The following SYTL3 variants were observed in gnomAD, a reference collection of about 807,000 sequenced individuals.
SYTL3 encodes synaptotagmin-like protein 3.
SYTL3 carries 88 observed loss-of-function variants against 82.1 expected under a neutral mutation model. The ratio of observed to expected loss-of-function variants is 1.07; its 90% CI spans 0.90 to 1.28. The LOEUF (loss-of-function observed/expected upper bound fraction) is 1.28, where lower values mean the gene tolerates loss of function less well. Ranked by LOEUF, SYTL3 falls within the 50% of genes most tolerant of loss-of-function variation. The pLI is 0.00. For synonymous variants in SYTL3, 311 were observed against 289.4 expected (o/e 1.07, Z -0.76); for missense variants, 831 against 757.6 (o/e 1.10, Z -1.14).
chr6:158,682,453 G>A (rs373191407), intron 5 of SYTL3, among the ~76,000 whole-genome samples: 19 of 134,994 alleles, frequency 1.4e-4, no homozygotes, highest in Admixed American at 1.1e-3. Context: ...TCCACCTCCC[G>A]GGTTCACGCC....
chr6:158,761,761 T>TC (rs936368775), intron 15 of SYTL3, among the ~76,000 whole-genome samples: 33 of 152,262 alleles, frequency 2.2e-4, no homozygotes, highest in African/African-American at 7.0e-4. Context: ...GCTCTCACTT[T>TC]CCCCCAAACT....
At position 158,707,135 on chromosome 6, in the gene SYTL3, A is replaced by C. The variant is rs144424620; in HGVS notation, c.395-95A>C. The C allele has an allele frequency of 2.4e-6, 3 of 1,248,354 alleles. No homozygotes were observed. In the African/African-American group the frequency reaches 4.4e-5, roughly 19 times the overall value. The allele number at this position is 1,248,354 out of a possible 1,614,324, so 77.3% of individuals were successfully genotyped here. On this transcript the variant is annotated intron_variant, in intron 6 of 17. Coordinates refer to ENST00000611299, the MANE Select transcript of SYTL3 (RefSeq NM_001242394.2). The stretch of plus-strand genomic sequence containing the variant: ...TTACTTTTTAATCACAAGAAATGAT[A>C]CTAGAGAAAATAATTTTAATCTACT...
At chr6:158,694,754 C>T (rs760722008) in intron 6 of SYTL3, among the ~76,000 whole-genome samples, 5 of 152,110 alleles carry the variant, frequency 3.3e-5, no homozygotes, top group East Asian at 1.9e-4. Context: ...GGAGTTTCCC[C>T]GATGCTTTCT....
In SYTL3 at chr6:158,704,503, T is replaced by C. The variant is rs551754371; in HGVS notation, c.395-2727T>C. Among the ~76,000 whole-genome samples, 14 of 152,366 alleles carry C rather than the reference T, an allele frequency of 9.2e-5. No homozygotes were observed. The South Asian group carries it at 2.9e-3, about 32-fold the overall frequency. ...CTGAGATGTGGACCTGAGGCAGAAC[T>C]GCCCGTGGGGGATAGCAGGAGGAGA... On this transcript the variant is annotated intron_variant, in intron 6 of 17. Coordinates refer to ENST00000611299, the MANE Select transcript of SYTL3 (RefSeq NM_001242394.2).
chr6:158,698,161 C>T (rs1173872237), intron 6 of SYTL3, among the ~76,000 whole-genome samples: 1 of 152,076 alleles, frequency 6.6e-6, no homozygotes, highest in Admixed American at 6.6e-5. Context: ...CTTTGAAAGG[C>T]AGAGGCGGGC....
intron 3 of SYTL3, among the ~76,000 whole-genome samples, chr6:158,662,126 T>G (rs1460523517): frequency 2.0e-5 from 3 of 152,216 alleles, no homozygotes; most frequent in Admixed American, 2.0e-4. Flanking sequence ...TGCAGATTTT[T>G]TTTGAAGCCT....
intron 15 of SYTL3, 79 bp from the exon 16 acceptor site, chr6:158,761,997 C>T (rs1279146821): frequency 2.0e-6 from 2 of 1,002,044 alleles, no homozygotes; most frequent in Non-Finnish European, 3.1e-6. Context: ...TAGCTGAGCT[C>T]TCGGTTTTGG....
chr6:158,702,733 T>C (rs1430169246), intron 6 of SYTL3, among the ~76,000 whole-genome samples: 3 of 151,640 alleles, frequency 2.0e-5, no homozygotes, highest in Non-Finnish European at 4.4e-5. Context: ...CCCTAAGTTA[T>C]ATTTGTACAC....
intron 6 of SYTL3, among the ~76,000 whole-genome samples, chr6:158,699,392 T>G (rs1274786535): frequency 5.3e-5 from 8 of 152,208 alleles, no homozygotes; most frequent in Non-Finnish European, 8.8e-5. Context: ...GAGATGGTCA[T>G]CCATGTATAG....
At chr6:158,729,973 A>G (rs1216573598) in intron 11 of SYTL3, among the ~76,000 whole-genome samples, 2 of 152,268 alleles carry the variant, frequency 1.3e-5, no homozygotes, top group South Asian at 2.1e-4. Flanking sequence ...CTTTGTGCTC[A>G]TAACTCTTTG....
intron 11 of SYTL3, chr6:158,726,671 G>C: frequency 3.5e-6 from 1 of 287,386 alleles, no homozygotes; most frequent in South Asian, 4.9e-5. Context: ...AGAGATCACT[G>C]GCTGGCTGGA....
intron 16 of SYTL3, among the ~76,000 whole-genome samples, chr6:158,762,542 C>T (rs1000219670): frequency 8.5e-5 from 13 of 152,134 alleles, no homozygotes; most frequent in African/African-American, 3.1e-4. Context: ...GGTGCATTGG[C>T]CCCTCTAAAA....
intron 14 of SYTL3, 48 bp downstream of exon 14, chr6:158,757,429 A>G: frequency 6.3e-6 from 10 of 1,589,028 alleles, no homozygotes; most frequent in Non-Finnish European, 8.6e-6. Context: ...ACTGTGATAG[A>G]TAAATAACTT....
intron 6 of SYTL3, among the ~76,000 whole-genome samples, chr6:158,700,653 G>A (rs1198431701): frequency 1.3e-5 from 2 of 152,142 alleles, no homozygotes; most frequent in Admixed American, 6.5e-5. Context: ...GTCTTGCTCT[G>A]TCGCCCAGGC....
chr6:158,713,753 A>AG (rs1783030269), intron 8 of SYTL3, 47 bp from the exon 9 acceptor site: 1 of 1,403,270 alleles, frequency 7.1e-7, no homozygotes, highest in African/African-American at 1.4e-5. Flanking sequence ...AGGCAAACAC[A>AG]AGTCATCAAG....
At chr6:158,749,507 CTTTTTTTTTTTTT>C (rs765386344) in intron 12 of SYTL3, among the ~76,000 whole-genome samples, 3 of 66,024 alleles carry the variant, frequency 4.5e-5, no homozygotes, top group Non-Finnish European at 5.5e-5. Context: ...TTCTTTCTCT[CTTTTTTTTTTTTT>C]TTTTTTTTTT....
chr6:158,717,669 A>G (rs759988671), intron 9 of SYTL3, among the ~76,000 whole-genome samples: 1 of 152,228 alleles, frequency 6.6e-6, no homozygotes, highest in African/African-American at 2.4e-5. Flanking sequence ...AAAAAGTCAC[A>G]AGAAATGGTG....
chr6:158,692,979 A>T (rs940098161), intron 6 of SYTL3, among the ~76,000 whole-genome samples: 5 of 151,820 alleles, frequency 3.3e-5, no homozygotes, highest in Admixed American at 1.3e-4. Context: ...AGCAGGTGTC[A>T]GTCAATACGT....
intron 6 of SYTL3, among the ~76,000 whole-genome samples, chr6:158,696,714 G>C (rs1300779192): frequency 6.6e-6 from 1 of 150,708 alleles, no homozygotes; most frequent in Non-Finnish European, 1.5e-5. Context: ...GGATTGTTTT[G>C]TTTCTTAAAA....
Sources: gnomAD v4.1 joint callset for allele counts (sites outside exome capture counted in the v4.1 genomes callset) on GRCh38, gnomAD v4.1.1 for gene constraint, MANE v1.5 for transcripts, NCBI Gene and HGNC (gene_info 2026-07-23, HGNC 2026-07-21) for gene names.